The following SLC6A15 variants were observed in gnomAD, a reference collection of about 807,000 sequenced individuals.
SLC6A15 encodes sodium-dependent neutral amino acid transporter B(0)AT2.
A neutral mutation model predicts 68.5 loss-of-function variants in SLC6A15; 33 were observed. That is an observed-to-expected ratio of 0.48 (90% CI 0.37 to 0.64). The LOEUF is 0.64. Ranked by LOEUF, SLC6A15 falls within the 30% of genes least tolerant of loss-of-function variation. The pLI is 0.00. For synonymous variants in SLC6A15, 347 were observed against 301.0 expected (o/e 1.15, Z -1.58); for missense variants, 747 against 874.3 (o/e 0.85, Z 1.84).
chr12:84,904,557 C>T (rs1873050187), intron 1 of SLC6A15, among the ~76,000 whole-genome samples: 1 of 152,100 alleles, frequency 6.6e-6, no homozygotes, highest in South Asian at 2.1e-4. Flanking sequence ...GTCCAATAAC[C>T]TGTTCACAAT....
chr12:84,864,607 A>G (rs912836040), intron 10 of SLC6A15, among the ~76,000 whole-genome samples: 5 of 152,078 alleles, frequency 3.3e-5, no homozygotes, highest in Non-Finnish European at 7.4e-5. Context: ...GGCTTGAGCC[A>G]CCACACCTGG....
In SLC6A15 at chr12:84,867,029, C is replaced by G; in HGVS notation, c.1655+5G>C. ...AAGTGAATACATAAAAGCAAATATA[C>G]TTACTTATCTATGCCATAAACAAAG... On this transcript the variant is annotated splice_donor_5th_base_variant and intron_variant, in intron 10 of 11. Transcript: ENST00000266682. 6.4e-7 allele frequency: 1 copy of G among 1,574,528 alleles called. No homozygotes were observed. The highest frequency in any genetic ancestry group is 8.6e-7 in the Non-Finnish European group (1 of 1,163,180).
In SLC6A15 at chr12:84,873,191, G is replaced by A. The variant is rs775110002; in HGVS notation, c.1005C>T (p.Val335=). The A allele has an allele frequency of 1.2e-6, 2 of 1,614,052 alleles. No individual in the cohort carries two copies. Among genetic ancestry groups the A allele is most frequent in the Admixed American group, 1.7e-5 (1 of 60,006 alleles). Residue 335 remains valine (V), a synonymous_variant, in exon 7 of 12, where the codon GTC becomes GTT. Transcript: ENST00000266682. ...KRDNNCHFDA[V]LVSFINFFTS... ...TGAAAAAATTGATGAAGGACACCAGGACAGCATCAAAGTGGCAGTTGTTGT... is the reference window on the plus strand; with the variant it reads ...TGAAAAAATTGATGAAGGACACCAGAACAGCATCAAAGTGGCAGTTGTTGT...
chr12:84,905,658 A>T (rs1045357898), intron 1 of SLC6A15, among the ~76,000 whole-genome samples: 1 of 152,220 alleles, frequency 6.6e-6, no homozygotes, highest in Non-Finnish European at 1.5e-5. Context: ...CAAGTCCCAC[A>T]TTCATCTGTG....
intron 2 of SLC6A15, among the ~76,000 whole-genome samples, chr12:84,890,876 C>G (rs1203911368): frequency 2.0e-5 from 3 of 152,046 alleles, no homozygotes; most frequent in Non-Finnish European, 2.9e-5. Flanking sequence ...TCTTTATATA[C>G]TTTGTGTCCT....
chr12:84,860,275 A>AGATT lies in SLC6A15; in HGVS notation c.*1353_*1356dup, dbSNP rs1870790504. On this transcript the variant is annotated 3_prime_UTR_variant, in exon 12 of 12. Coordinates refer to ENST00000266682, the MANE Select transcript of SLC6A15 (RefSeq NM_182767.6). Reference sequence around the variant, plus strand: ...CTGATCTGGTGGTAGGATAAATGAAAGATTTTTAACTAGAGGACACTCAGT... The same window carrying AGATT: ...CTGATCTGGTGGTAGGATAAATGAAAGATTGATTTTTAACTAGAGGACACTCAGT... 1 of 152,104 alleles carries AGATT rather than the reference A, an allele frequency of 6.6e-6. No individual in the cohort carries two copies. The highest frequency in any genetic ancestry group is 2.4e-5 in the African/African-American group (1 of 41,458). The allele number at this position is 152,104 out of a possible 1,614,324, so 9.4% of individuals were successfully genotyped here.
chr12:84,900,958 ATATATACATACATATATACAT>A (rs1311467348), intron 1 of SLC6A15, among the ~76,000 whole-genome samples: 4 of 145,970 alleles, frequency 2.7e-5, no homozygotes, highest in Non-Finnish European at 4.5e-5. Flanking sequence ...AGATATGTAT[ATATATACATACATATATACAT>A]GTATATATGT....
chr12:84,866,963 A>G, intron 10 of SLC6A15, 71 bp downstream of exon 10: 1 of 1,303,464 alleles, frequency 7.7e-7, no homozygotes, highest in South Asian at 1.7e-5. Context: ...CTTCTAAATG[A>G]AATGAACATT....
At chr12:84,879,480 C>T (rs1239934762) in intron 5 of SLC6A15, among the ~76,000 whole-genome samples, 1 of 151,734 alleles carries the variant, frequency 6.6e-6, no homozygotes, top group Non-Finnish European at 1.5e-5. Context: ...CACCTGCCAC[C>T]ATGCCCGGAC....
chr12:84,876,392 G>A (rs368342337), intron 6 of SLC6A15, 105 bp downstream of exon 6: 57 of 614,158 alleles, frequency 9.3e-5, no homozygotes, highest in African/African-American at 5.3e-4. Flanking sequence ...AAAGTTTAAT[G>A]TACATACATT....
At position 84,892,123 on chromosome 12, in the gene SLC6A15, G is replaced by A; in HGVS notation, c.-3C>T. The A allele has an allele frequency of 6.3e-7, 1 of 1,584,892 alleles. No individual in the cohort carries two copies. Among genetic ancestry groups the A allele is most frequent in the East Asian group, 2.2e-5 (1 of 44,518 alleles). On this transcript the variant is annotated 5_prime_UTR_variant, in exon 2 of 12. Coordinates refer to ENST00000266682, the MANE Select transcript of SLC6A15 (RefSeq NM_182767.6). ...ACCACCTTGCTATTTTTGGGCATTGGAGAGTATGCGAAGTATTTAAAAAAA... is the reference window on the plus strand; with the variant it reads ...ACCACCTTGCTATTTTTGGGCATTGAAGAGTATGCGAAGTATTTAAAAAAA...
At chr12:84,884,970 C>T (rs915748380) in intron 4 of SLC6A15, among the ~76,000 whole-genome samples, 2 of 151,690 alleles carry the variant, frequency 1.3e-5, no homozygotes, top group African/African-American at 4.8e-5. Context: ...GTTTACTAGA[C>T]ATCACTACTA....
chr12:84,878,784 T>TCAGTGCCTGACAAATAGCAGATATTC (rs1555180897), intron 5 of SLC6A15, among the ~76,000 whole-genome samples: 1 of 152,010 alleles, frequency 6.6e-6, no homozygotes, highest in African/African-American at 2.4e-5. Context: ...TCAAATCCCA[T>TCAGTGCCTGACAAATAGCAGATATTC]AAACCAACTG....
chr12:84,881,895 C>T, intron 5 of SLC6A15: 4 of 985,396 alleles, frequency 4.1e-6, no homozygotes, highest in Non-Finnish European at 4.8e-6. Flanking sequence ...ACATTACCTA[C>T]AGCTAGCTTT....
intron 5 of SLC6A15, chr12:84,881,184 C>T (rs1691400720): frequency 6.5e-6 from 1 of 154,496 alleles, no homozygotes. Context: ...AGACAGTCAT[C>T]CCCTTAATAG....
In SLC6A15 at chr12:84,891,949, C is replaced by T. The variant is rs550500645; in HGVS notation, c.172G>A (p.Glu58Lys). 4.3e-6 allele frequency: 7 copies of T among 1,614,002 alleles called. No homozygotes were observed. In the South Asian group the frequency reaches 4.4e-5, roughly 10 times the overall value. The change falls in exon 2 of 12, where the codon GAA becomes AAA. Residue 58 changes from glutamate to lysine, a missense_variant. Glu to Lys is a moderately conservative substitution (Grantham distance 56). Transcript: ENST00000266682. ...DTDVEEGSEV[E>K]DERPAWNSKL... ...CTGTTCCAAGCTGGTCTTTCATCTT[C>T]GACTTCAGATCCTTCTTCAACATCT... is the stretch of plus-strand genomic sequence containing the variant.
chr12:84,893,331 G>C (rs1259758158), intron 1 of SLC6A15, among the ~76,000 whole-genome samples: 1 of 152,094 alleles, frequency 6.6e-6, no homozygotes, highest in African/African-American at 2.4e-5. Flanking sequence ...AAGTATAAAT[G>C]AGACAAGAAA....
intron 2 of SLC6A15, among the ~76,000 whole-genome samples, chr12:84,891,443 G>A (rs2123186): frequency 0.12 from 18,799 of 152,000 alleles, 1,269 homozygotes; most frequent in South Asian, 0.26. Context: ...AATAAATCAC[G>A]GAGAGAAAAT....
intron 4 of SLC6A15, among the ~76,000 whole-genome samples, chr12:84,884,743 A>G (rs553958733): frequency 6.6e-6 from 1 of 152,122 alleles, no homozygotes; most frequent in African/African-American, 2.4e-5. Flanking sequence ...GCCAATCTAA[A>G]GTGACATGGG....
Sources: gnomAD v4.1 joint callset for allele counts (sites outside exome capture counted in the v4.1 genomes callset) on GRCh38, gnomAD v4.1.1 for gene constraint, MANE v1.5 for transcripts, NCBI Gene and HGNC (gene_info 2026-07-23, HGNC 2026-07-21) for gene names.